Variants in NFIB observed in about 807,000 individuals in gnomAD.
NFIB encodes nuclear factor I B.
Under a neutral mutation model 61.5 loss-of-function variants are expected in NFIB, and 11 were observed. The ratio of observed to expected loss-of-function variants is 0.18; its 90% CI spans 0.11 to 0.30. The LOEUF (loss-of-function observed/expected upper bound fraction) is 0.30. Among genes scored for constraint, NFIB ranks in the 10% least tolerant of loss-of-function variants. The probability of loss-of-function intolerance (pLI) is 1.00; values close to 1 mark genes in which losing one functional copy is unlikely to be tolerated. For missense variants in NFIB, 471 were observed against 608.9 expected (o/e 0.77, Z 2.38); for synonymous variants, 260 against 216.5 (o/e 1.20, Z -1.76).
intron 1 of NFIB, among the ~76,000 whole-genome samples, chr9:14,322,751 G>A (rs973753430): frequency 1.3e-5 from 2 of 152,012 alleles, no homozygotes; most frequent in East Asian, 1.9e-4. Flanking sequence ...AGTGGGTGTG[G>A]CGGCCTGCGC....
intron 1 of NFIB, among the ~76,000 whole-genome samples, chr9:14,310,500 G>A (rs1449366909): frequency 2.6e-5 from 4 of 152,118 alleles, no homozygotes; most frequent in Admixed American, 2.6e-4. Context: ...GAGTCTTAAA[G>A]ATTATGAGTG....
In NFIB at chr9:14,359,413, TGGCCACACA is replaced by T. The variant is rs555856529; in HGVS notation, c.108+39102_108+39110del. 3.0e-3 allele frequency among the ~76,000 whole-genome samples: 452 copies of T among 152,262 alleles called. 4 individuals carry two copies. Among genetic ancestry groups the T allele is most frequent in the African/African-American group, 9.5e-3 (394 of 41,536 alleles). ...ACATAAAGATAAGATGAGGAAGCAA[TGGCCACACA>T]GGCCGAGATTGCAGTGATGTGGCCG... On this transcript the variant is annotated intron_variant, in intron 1 of 8. Transcript: ENST00000380934.
At chr9:14,488,577 G>A in the NFIB span, among the ~76,000 whole-genome samples, 2 of 152,032 alleles carry the variant, frequency 1.3e-5, no homozygotes, top group African/African-American at 4.8e-5. Context: ...TGGGCTCTGG[G>A]AAGCAAGAAT....
chr9:14,396,158 G>C (rs960379017), intron 1 of NFIB, among the ~76,000 whole-genome samples: 9 of 151,892 alleles, frequency 5.9e-5, no homozygotes, highest in African/African-American at 2.2e-4. Flanking sequence ...TTGATAATTA[G>C]TTGGTTTATG....
chr9:14,502,027 T>A, the NFIB span, among the ~76,000 whole-genome samples: 13 of 152,304 alleles, frequency 8.5e-5, no homozygotes, highest in African/African-American at 2.9e-4. Context: ...AGTTTTGATA[T>A]TAGATATTAG....
chr9:14,380,000 T>C (rs1337228327), intron 1 of NFIB, among the ~76,000 whole-genome samples: 3 of 151,640 alleles, frequency 2.0e-5, no homozygotes, highest in East Asian at 3.9e-4. Context: ...TTTTTTTTAA[T>C]TGAAGAAAAC....
intron 1 of NFIB, among the ~76,000 whole-genome samples, chr9:14,379,183 C>T (rs545490505): frequency 6.6e-6 from 1 of 152,302 alleles, no homozygotes; most frequent in South Asian, 2.1e-4. Context: ...ATCGTCCCTT[C>T]ATGACTCTGT....
At chr9:14,490,539 A>G in the NFIB span, among the ~76,000 whole-genome samples, 1,039 of 152,298 alleles carry the variant, frequency 6.8e-3, 8 homozygotes, top group African/African-American at 0.024. Flanking sequence ...TATGGAAGAC[A>G]TTGTAACACT....
intron 2 of NFIB, among the ~76,000 whole-genome samples, chr9:14,191,976 C>G (rs2047997859): frequency 6.6e-6 from 1 of 152,196 alleles, no homozygotes; most frequent in African/African-American, 2.4e-5. Flanking sequence ...ATCATTATTT[C>G]CAAGTTCTAG....
intron 9 of NFIB, among the ~76,000 whole-genome samples, chr9:14,113,416 T>C (rs1287650013): frequency 6.6e-6 from 1 of 152,210 alleles, no homozygotes; most frequent in Admixed American, 6.5e-5. Flanking sequence ...ACGTACTTTT[T>C]CACCAGATAG....
At chr9:14,160,659 G>T (rs1337207052) in intron 3 of NFIB, among the ~76,000 whole-genome samples, 3 of 151,886 alleles carry the variant, frequency 2.0e-5, no homozygotes, top group African/African-American at 7.3e-5. Flanking sequence ...CAACTGTGAT[G>T]ACCTTCACAA....
intron 2 of NFIB, among the ~76,000 whole-genome samples, chr9:14,207,189 C>A (rs2049832613): frequency 6.6e-6 from 1 of 152,134 alleles, no homozygotes; most frequent in Non-Finnish European, 1.5e-5. Context: ...CAACTAATAA[C>A]TGAAAAAGCC....
chr9:14,333,731 C>T (rs6474829), intron 1 of NFIB, among the ~76,000 whole-genome samples: 134,760 of 152,162 alleles, frequency 0.89, 60,142 homozygotes, highest in Admixed American at 0.94. Flanking sequence ...GAAGAACAAC[C>T]TTCTATATAA....
intron 5 of NFIB, among the ~76,000 whole-genome samples, chr9:14,148,343 G>C (rs185184592): frequency 4.3e-4 from 66 of 151,878 alleles, no homozygotes; most frequent in Non-Finnish European, 8.8e-4. Flanking sequence ...TGAACTCCTA[G>C]GTTCAAGTGA....
At chr9:14,368,107 G>A (rs972551971) in intron 1 of NFIB, among the ~76,000 whole-genome samples, 19 of 151,376 alleles carry the variant, frequency 1.3e-4, no homozygotes, top group African/African-American at 4.4e-4. Context: ...TACAAAACCT[G>A]CACGTTCTGC....
At chr9:14,239,558 G>T (rs1297692061) in intron 2 of NFIB, among the ~76,000 whole-genome samples, 3 of 152,086 alleles carry the variant, frequency 2.0e-5, no homozygotes, top group Non-Finnish European at 2.9e-5. Flanking sequence ...AAAGAGAAAA[G>T]ATAAGAAAAC....
intron 10 of NFIB, among the ~76,000 whole-genome samples, chr9:14,109,004 T>C (rs1177564037): frequency 1.3e-5 from 2 of 152,092 alleles, no homozygotes; most frequent in African/African-American, 4.8e-5. Context: ...AGGCTCTTAT[T>C]ATGACCTTAG....
At chr9:14,149,517 A>G (rs1327747163) in intron 5 of NFIB, among the ~76,000 whole-genome samples, 1 of 152,120 alleles carries the variant, frequency 6.6e-6, no homozygotes, top group Non-Finnish European at 1.5e-5. Context: ...TGAGAAGATC[A>G]GGAAAAAAAA....
rs185881026 is a variant in NFIB at position 14,261,764 on chromosome 9, G to C, written c.562+45225C>G. 3.9e-4 allele frequency among the ~76,000 whole-genome samples: 59 copies of C among 152,322 alleles called. 1 individual carries two copies. Among genetic ancestry groups the C allele is most frequent in the African/African-American group, 1.4e-3 (59 of 41,586 alleles). The stretch of plus-strand genomic sequence containing the variant: ...TGTTGGGCCCACACAGCAGACAATG[G>C]TTTGTGACAAATGTCTGTCCAGATG... On this transcript the variant is annotated intron_variant, in intron 2 of 10. Coordinates refer to ENST00000380953, the MANE Select transcript of NFIB (RefSeq NM_001190737.2).
Sources: gnomAD v4.1 joint callset for allele counts (sites outside exome capture counted in the v4.1 genomes callset) on GRCh38, gnomAD v4.1.1 for gene constraint, MANE v1.5 for transcripts, NCBI Gene and HGNC (gene_info 2026-07-23, HGNC 2026-07-21) for gene names.